Variants in PCDHGA10 observed in about 807,000 individuals in gnomAD.
The protein encoded by PCDHGA10 is protocadherin gamma subfamily A, 10.
In PCDHGA10, 42 loss-of-function variants were observed where a neutral mutation model predicts 59.5. That is an observed-to-expected ratio of 0.71 (90% confidence interval 0.55 to 0.91). PCDHGA10 has a LOEUF of 0.91. PCDHGA10 is among the 40% of genes least tolerant of loss of function. The probability of loss-of-function intolerance (pLI) is 0.00; values close to 1 mark genes in which losing one functional copy is unlikely to be tolerated. For synonymous variants in PCDHGA10, 511 were observed against 517.2 expected, an observed-to-expected ratio of 0.99 and a Z score of 0.16; for missense variants, 1,111 against 1,198.2, an observed-to-expected ratio of 0.93 and a Z score of 1.07.
At position 141,418,416 on chromosome 5, in the gene PCDHGA10, C is replaced by A. The variant is rs377542164; in HGVS notation, c.2436+2805C>A. On this transcript the variant is annotated intron_variant, in intron 1 of 3. Transcript: ENST00000398610. ...TTCTCATTGGTGGAGAAAGACAATC[C>A]TGATGGTGGCAAATATCCAGAATTA... The A allele has an allele frequency of 3.7e-6, 6 of 1,613,866 alleles. No individual in the cohort carries two copies. The African/African-American group carries it at 8.0e-5, about 22-fold the overall frequency.
intron 2 of PCDHGA10, among the ~76,000 whole-genome samples, chr5:141,503,954 C>T (rs2099834393): frequency 6.6e-6 from 1 of 152,186 alleles, no homozygotes; most frequent in Non-Finnish European, 1.5e-5. Flanking sequence ...GCCTACCCTA[C>T]AGCCTTTCCC....
chr5:141,490,336 G>T lies in PCDHGA10; in HGVS notation c.2437-4471G>T. 2 of 1,614,224 alleles carry T rather than the reference G, an allele frequency of 1.2e-6. No individual in the cohort carries two copies. The highest frequency in any genetic ancestry group is 8.5e-7 in the Non-Finnish European group (1 of 1,180,040). ...CCCTGTCCTAGAGAGCACACCAGTGGGCACAGTAGTGGGGTTGTTTAATGT... is the reference window on the plus strand; with the variant it reads ...CCCTGTCCTAGAGAGCACACCAGTGTGCACAGTAGTGGGGTTGTTTAATGT... On this transcript the variant is annotated intron_variant, in intron 1 of 3. Transcript: ENST00000398610. This position sits in a 1 kb window ranked among gnomAD's most constrained non-coding sequence, Gnocchi z 5.4.
intron 1 of PCDHGA10, chr5:141,479,772 G>A (rs904607838): frequency 1.3e-5 from 2 of 152,192 alleles, no homozygotes; most frequent in Non-Finnish European, 2.9e-5. Flanking sequence ...CATATCCTTA[G>A]ACAGGTAAAG....
intron 1 of PCDHGA10, among the ~76,000 whole-genome samples, chr5:141,460,653 GT>G (rs2098994590): frequency 6.6e-6 from 1 of 151,844 alleles, no homozygotes; most frequent in Admixed American, 6.6e-5. Context: ...TTACACATAT[GT>G]AACTGTAAAC....
At chr5:141,462,271 G>C (rs2099036316) in intron 1 of PCDHGA10, among the ~76,000 whole-genome samples, 1 of 152,174 alleles carries the variant, frequency 6.6e-6, no homozygotes, top group African/African-American at 2.4e-5. Context: ...AAAGTGTATT[G>C]TTTAGTCACC....
intron 1 of PCDHGA10, among the ~76,000 whole-genome samples, chr5:141,452,388 A>G (rs892688242): frequency 3.9e-5 from 6 of 152,210 alleles, no homozygotes; most frequent in Non-Finnish European, 5.9e-5. Flanking sequence ...TAGTATTTAG[A>G]AACTAAGATC....
intron 1 of PCDHGA10, among the ~76,000 whole-genome samples, chr5:141,438,611 TATATATATATATATATATATATATAC>T (rs1451681129): frequency 0.1 from 4,016 of 39,372 alleles, 166 homozygotes; most frequent in Middle Eastern, 0.18. Context: ...TATATATATA[TATATATATATATATATATATATATAC>T]ACACACACAC....
intron 1 of PCDHGA10, among the ~76,000 whole-genome samples, chr5:141,488,423 T>C (rs1204233986): frequency 2.0e-5 from 3 of 152,354 alleles, no homozygotes; most frequent in Non-Finnish European, 4.4e-5. Context: ...CCATCCATGC[T>C]TGGCCTCTGA....
chr5:141,422,432 A>G, intron 1 of PCDHGA10: 1 of 1,609,448 alleles, frequency 6.2e-7, no homozygotes, highest in Non-Finnish European at 8.5e-7. Context: ...TATGGAAATT[A>G]TTACAAATTG....
chr5:141,508,139 G>C (rs1243018384), intron 3 of PCDHGA10: 1 of 152,514 alleles, frequency 6.6e-6, no homozygotes, highest in African/African-American at 2.4e-5. Flanking sequence ...CAGGGAGCTG[G>C]GGGCTGAGTT....
In PCDHGA10 at chr5:141,477,085, G is replaced by A. The variant is rs1420972762; in HGVS notation, c.2437-17722G>A. On this transcript the variant is annotated intron_variant, in intron 1 of 3. Coordinates refer to ENST00000398610, the MANE Select transcript of PCDHGA10 (RefSeq NM_018913.3). This position sits in a 1 kb window ranked among gnomAD's most constrained non-coding sequence, Gnocchi z 4.9. ...CCAAACTCCATGAGATTTACATCCAGGCCAAAGACAAGGGCGCCAATCCCG... is the reference window on the plus strand; with the variant it reads ...CCAAACTCCATGAGATTTACATCCAAGCCAAAGACAAGGGCGCCAATCCCG... 1 of 1,614,262 alleles carries A rather than the reference G, an allele frequency of 6.2e-7. No individual in the cohort carries two copies. The highest frequency in any genetic ancestry group is 1.7e-5 in the Admixed American group (1 of 60,034).
chr5:141,489,247 C>T lies in PCDHGA10; in HGVS notation c.2437-5560C>T. 6.5e-7 allele frequency: 1 copy of T among 1,546,012 alleles called. No individual in the cohort carries two copies. The highest frequency in any genetic ancestry group is 8.7e-7 in the Non-Finnish European group (1 of 1,146,298). ...ACAAAGGGACTTCTGGGTCATGGGGCCCAAGACACTCCCACAGCTCGCTGG... is the reference window on the plus strand; with the variant it reads ...ACAAAGGGACTTCTGGGTCATGGGGTCCAAGACACTCCCACAGCTCGCTGG... On this transcript the variant is annotated intron_variant, in intron 1 of 3. Coordinates refer to ENST00000398610, the MANE Select transcript of PCDHGA10 (RefSeq NM_018913.3). This position sits in a 1 kb window ranked among gnomAD's most constrained non-coding sequence, Gnocchi z 4.5.
chr5:141,465,448 A>G (rs2099103302), intron 1 of PCDHGA10, among the ~76,000 whole-genome samples: 2 of 152,192 alleles, frequency 1.3e-5, no homozygotes, highest in Admixed American at 1.3e-4. Flanking sequence ...TTACCCAAGA[A>G]AACTCTCACC....
intron 1 of PCDHGA10, among the ~76,000 whole-genome samples, chr5:141,437,807 G>T (rs910427301): frequency 6.7e-6 from 1 of 149,476 alleles, no homozygotes; most frequent in Non-Finnish European, 1.5e-5. Flanking sequence ...GCACTATCTT[G>T]GCTCACTGCA....
chr5:141,418,254 A>T (rs1217236221), intron 1 of PCDHGA10: 2 of 1,613,904 alleles, frequency 1.2e-6, no homozygotes, highest in African/African-American at 2.7e-5. Flanking sequence ...CACGCCCCTC[A>T]ATTCCGGAAA....
At chr5:141,418,742 G>T (rs1351760637) in intron 1 of PCDHGA10, 6 of 1,613,778 alleles carry the variant, frequency 3.7e-6, no homozygotes, top group South Asian at 1.1e-5. Context: ...GTTCTCTCTG[G>T]ATTACACTAC....
At chr5:141,422,379 C>G (rs2096644662) in intron 1 of PCDHGA10, 1 of 1,576,826 alleles carries the variant, frequency 6.3e-7, no homozygotes, top group East Asian at 2.2e-5. Flanking sequence ...GTCAAGTCTC[C>G]TGTTTTATTC....
chr5:141,473,848 A>T (rs1281010822), intron 1 of PCDHGA10, among the ~76,000 whole-genome samples: 1 of 152,198 alleles, frequency 6.6e-6, no homozygotes, highest in Non-Finnish European at 1.5e-5. Flanking sequence ...TTTTAGGAAG[A>T]TGAACCTCGC....
At chr5:141,422,891 A>G in intron 1 of PCDHGA10, 3 of 1,614,192 alleles carry the variant, frequency 1.9e-6, no homozygotes, top group Non-Finnish European at 2.5e-6. Context: ...TTCGTGCTGG[A>G]CCAGAACGAC....
Sources: allele counts gnomAD v4.1 joint callset (sites outside exome capture counted in the v4.1 genomes callset), GRCh38; gene constraint gnomAD v4.1.1; non-coding constraint Gnocchi (gnomAD v3.1); transcripts MANE v1.5; gene names NCBI Gene and HGNC (gene_info 2026-07-23, HGNC 2026-07-21).